Variants in NUP205 observed in about 807,000 individuals in gnomAD.
NUP205 encodes nuclear pore complex protein Nup205.
A neutral mutation model predicts 253.8 loss-of-function variants in NUP205; 76 were observed. The observed-to-expected ratio is 0.30, with a 90% CI of 0.25 to 0.36. The LOEUF is 0.36. NUP205 is among the 10% of genes least tolerant of loss of function. The pLI is 1.00. For synonymous variants in NUP205, 832 were observed against 850.1 expected (o/e 0.98, Z 0.37); for missense variants, 2,162 against 2,425.5 (o/e 0.89, Z 2.28).
chr7:135,614,524 T>C (rs73725195), intron 23 of NUP205, among the ~76,000 whole-genome samples: 5,198 of 152,300 alleles, frequency 0.034, 118 homozygotes, highest in Middle Eastern at 0.1. Context: ...AAGATTGTGT[T>C]GAAGGGATTA....
intron 35 of NUP205, among the ~76,000 whole-genome samples, chr7:135,631,975 G>C (rs565115101): frequency 6.6e-6 from 1 of 152,114 alleles, no homozygotes; most frequent in South Asian, 2.1e-4. Flanking sequence ...TTGATCTCCT[G>C]ACCTTGTAAT....
intron 5 of NUP205, 105 bp from the exon 6 acceptor site, chr7:135,577,691 T>A (rs73725138): frequency 0.034 from 26,731 of 780,536 alleles, 563 homozygotes; most frequent in Middle Eastern, 0.072. Flanking sequence ...TTGTGGATTT[T>A]GATAGGTTTT....
intron 17 of NUP205, among the ~76,000 whole-genome samples, 172 bp from the exon 18 acceptor site, chr7:135,602,633 T>C (rs1321979446): frequency 1.3e-5 from 2 of 152,224 alleles, no homozygotes; most frequent in African/African-American, 4.8e-5. Context: ...AGCTGAAATT[T>C]TGAAACAATG....
chr7:135,603,405 G>A (rs538410115), intron 18 of NUP205, among the ~76,000 whole-genome samples: 7 of 151,274 alleles, frequency 4.6e-5, no homozygotes, highest in East Asian at 1.9e-4. Context: ...GAACCACCGC[G>A]CCCAGCCTTA....
chr7:135,579,184 CA>C (rs1367609688), intron 7 of NUP205, among the ~76,000 whole-genome samples: 2 of 150,948 alleles, frequency 1.3e-5, no homozygotes, highest in African/African-American at 4.9e-5. Context: ...TTTGGAATGA[CA>C]GTGTCACATT....
rs1024892382 is a variant in NUP205, at chr7:135,638,639, C to T, written c.5348C>T (p.Thr1783Ile). The change falls in exon 38 of 43, where the codon ACT becomes ATT. Residue 1783 changes from threonine to isoleucine, a missense_variant. Coordinates refer to ENST00000285968, the MANE Select transcript of NUP205 (RefSeq NM_015135.3). ...TTCCAGCATGCTGTGTGTCTCTTCA[C>T]TCCTAGCCTTTCAGAAACAGTTAAT... The part of the protein sequence containing the change: ...PTFQHAVCLF[T>I]PSLSETVNRD... 6 of 1,613,996 alleles carry T rather than the reference C, an allele frequency of 3.7e-6. No individual in the cohort carries two copies. The African/African-American group carries it at 8.0e-5, about 22-fold the overall frequency.
chr7:135,610,302 C>T (rs1794195646), intron 22 of NUP205, among the ~76,000 whole-genome samples: 1 of 152,166 alleles, frequency 6.6e-6, no homozygotes, highest in Non-Finnish European at 1.5e-5. Context: ...CTCACCGCAA[C>T]CTCCACCTCC....
At chr7:135,603,095 ATTTTTGCCTCATTTTACTTTTTTTTTTTT>A in intron 18 of NUP205, 101 bp downstream of exon 18, 1 of 560,938 alleles carries the variant, frequency 1.8e-6, no homozygotes, top group Non-Finnish European at 2.7e-6. Context: ...CTTTTTTTTT[ATTTTTGCCTCATTTTACTTTTTTTTTTTT>A]TTTTTTTTTG....
In NUP205 at chr7:135,618,613, T is replaced by C; in HGVS notation, c.3963+10T>C. On this transcript the variant is annotated intron_variant, in intron 28 of 42. Transcript: ENST00000285968. ...AGATGTGCATGATAAGGTGACGTAC[T>C]TCCTAAAATACTTTATACTGCTGAA... is the stretch of plus-strand genomic sequence containing the variant. 6.4e-7 allele frequency: 1 copy of C among 1,565,844 alleles called. No individual in the cohort carries two copies. Among genetic ancestry groups the C allele is most frequent in the Non-Finnish European group, 8.7e-7 (1 of 1,155,320 alleles).
chr7:135,577,839 G>C lies in NUP205; in HGVS notation c.692G>C (p.Ser231Thr). ...IKECRQSLAE[S>T]LFAWACQSPL... ...GAGTGCAGGCAGTCTCTTGCAGAAA[G>C]CCTTTTTGCCTGGGCTTGCCAGTCA... Residue 231 changes from serine to threonine, a missense_variant, in exon 6 of 43, where the codon AGC (serine) becomes ACC (threonine). Coordinates refer to ENST00000285968, the MANE Select transcript of NUP205 (RefSeq NM_015135.3). 1 of 1,614,088 alleles carries C rather than the reference G, an allele frequency of 6.2e-7. No individual in the cohort carries two copies. The highest frequency in any genetic ancestry group is 8.5e-7 in the Non-Finnish European group (1 of 1,180,002).
At chr7:135,610,697 C>G (rs73725188) in intron 22 of NUP205, among the ~76,000 whole-genome samples, 5,199 of 152,250 alleles carry the variant, frequency 0.034, 119 homozygotes, top group Middle Eastern at 0.1. Flanking sequence ...ACTCCCTATA[C>G]CTATATGTTT....
intron 31 of NUP205, among the ~76,000 whole-genome samples, chr7:135,624,174 A>T (rs1346270106): frequency 1.3e-5 from 2 of 152,084 alleles, no homozygotes; most frequent in Non-Finnish European, 2.9e-5. Flanking sequence ...AACTGTATTT[A>T]TCAGATTGTG....
intron 1 of NUP205, among the ~76,000 whole-genome samples, chr7:135,563,609 T>C (rs1018416970): frequency 4.6e-5 from 7 of 152,164 alleles, no homozygotes; most frequent in Non-Finnish European, 5.9e-5. Context: ...TCCCTAAACA[T>C]TAAGGAAAAT....
At chr7:135,560,871 C>G (rs1210491104) in intron 1 of NUP205, among the ~76,000 whole-genome samples, 3 of 152,052 alleles carry the variant, frequency 2.0e-5, no homozygotes, top group Non-Finnish European at 4.4e-5. Flanking sequence ...TTCTGTTTTG[C>G]AAGATGAAAA....
At chr7:135,599,336 C>T (rs984275672) in intron 15 of NUP205, among the ~76,000 whole-genome samples, 5 of 152,090 alleles carry the variant, frequency 3.3e-5, no homozygotes, top group African/African-American at 1.2e-4. Context: ...TATATTTAGT[C>T]ACAAATAATT....
At chr7:135,630,522 A>G in intron 35 of NUP205, 52 bp downstream of exon 35, 1 of 1,508,228 alleles carries the variant, frequency 6.6e-7, no homozygotes, top group African/African-American at 1.4e-5. Flanking sequence ...AGACTGACAT[A>G]AATTAATAGA....
At chr7:135,586,133 T>C (rs1806456411) in intron 8 of NUP205, among the ~76,000 whole-genome samples, 1 of 119,098 alleles carries the variant, frequency 8.4e-6, no homozygotes, top group South Asian at 3.0e-4. Flanking sequence ...AAATGTACAG[T>C]TTTTAAAAGC....
rs1217435671 is a variant in NUP205 at position 135,587,651 on chromosome 7, C to T, written c.1295C>T (p.Pro432Leu). 6.2e-7 allele frequency: 1 copy of T among 1,610,470 alleles called. No individual in the cohort carries two copies. The highest frequency in any genetic ancestry group is 8.5e-7 in the Non-Finnish European group (1 of 1,178,314). ...AGTATGCAGATGGGTAATGAACCCC[C>T]CATTTCACTTAGAAGGGACCTGGAA... is the stretch of plus-strand genomic sequence containing the variant. ...HMSMQMGNEP[P>L]ISLRRDLEHL... The change falls in exon 9 of 43, where the codon CCC (proline) becomes CTC (leucine). Residue 432 changes from proline to leucine, a missense_variant. Around this residue, in one of 5 missense-constraint regions of NUP205, gnomAD observed 892 missense variants for 957.1 expected, o/e 0.93. Transcript: ENST00000285968.
At position 135,638,033 on chromosome 7, in the gene NUP205, G is replaced by A. The variant is rs1474943816; in HGVS notation, c.5239G>A (p.Asp1747Asn). 1 of 1,614,040 alleles carries A rather than the reference G, an allele frequency of 6.2e-7. No homozygotes were observed. Among genetic ancestry groups the A allele is most frequent in the Admixed American group, 1.7e-5 (1 of 60,004 alleles). The part of the protein sequence containing the change: ...NVEGDKVSKK[D>N]EIELAMQQIC... Reference sequence around the variant, plus strand: ...GGAGGGAGATAAAGTAAGCAAGAAAGATGAGATTGAACTGGCTATGCAGCA... The same window carrying A: ...GGAGGGAGATAAAGTAAGCAAGAAAAATGAGATTGAACTGGCTATGCAGCA... Residue 1747 changes from aspartate (D) to asparagine (N), a missense_variant, in exon 37 of 43, where the codon GAT (aspartate) becomes AAT (asparagine). Physicochemically the swap from Asp to Asn is conservative, Grantham distance 23 (BLOSUM62 1). This residue lies in a region of NUP205 where 1,144 missense variants were observed against 1,280.9 expected (regional missense o/e 0.89). Transcript: ENST00000285968.
Sources: allele counts gnomAD v4.1 joint callset (sites outside exome capture counted in the v4.1 genomes callset), GRCh38; gene constraint gnomAD v4.1.1; regional missense constraint gnomAD v4.1.1; transcripts MANE v1.5; gene names NCBI Gene and HGNC (gene_info 2026-07-23, HGNC 2026-07-21).